Variants in ZMYM2 observed in about 807,000 individuals in gnomAD.
ZMYM2 encodes the protein zinc finger MYM-type containing 2.
A neutral mutation model predicts 162.8 loss-of-function variants in ZMYM2; 56 were observed. That is an observed-to-expected ratio of 0.34 (90% CI 0.28 to 0.43). The LOEUF (loss-of-function observed/expected upper bound fraction) is 0.43. Ranked by LOEUF, ZMYM2 falls within the 20% of genes least tolerant of loss-of-function variation. The probability of loss-of-function intolerance (pLI) is 1.00; values close to 1 mark genes in which losing one functional copy is unlikely to be tolerated. For synonymous variants in ZMYM2, 510 were observed against 541.6 expected (o/e 0.94, Z 0.81); for missense variants, 1,275 against 1,621.8 (o/e 0.79, Z 3.67).
chr13:20,027,434 A>T, intron 9 of ZMYM2, 116 bp downstream of exon 9: 1 of 773,814 alleles, frequency 1.3e-6, no homozygotes, highest in Non-Finnish European at 1.9e-6. Flanking sequence ...TTGAGGGTCA[A>T]ATTGGAAGGT....
chr13:19,871,230 A>G, the ZMYM2 span, among the ~76,000 whole-genome samples: 3 of 152,162 alleles, frequency 2.0e-5, no homozygotes, highest in Non-Finnish European at 2.9e-5. Context: ...GCAAATTATA[A>G]TAACACAGAA....
At chr13:20,051,253 G>GCATCTT (rs369364385) in intron 12 of ZMYM2, among the ~76,000 whole-genome samples, 180 bp from the exon 13 acceptor site, 582 of 73,956 alleles carry the variant, frequency 7.9e-3, no homozygotes, top group East Asian at 0.013. Context: ...CTGTGAAATT[G>GCATCTT]TATTTTTTTT....
chr13:19,999,418 A>C (rs1205276555), intron 3 of ZMYM2, among the ~76,000 whole-genome samples: 1 of 152,088 alleles, frequency 6.6e-6, no homozygotes, highest in Non-Finnish European at 1.5e-5. Context: ...GTGATCAGTG[A>C]TCTTTGATGT....
rs1543536 is a variant in ZMYM2 at position 20,034,420 on chromosome 13, A to G, written c.2119+16A>G. ...TGTAGTGAAGGCAAGTTGCATATAC[A>G]GTGTTGTTCATAACATTTATTGATA... is the stretch of plus-strand genomic sequence containing the variant. On this transcript the variant is annotated intron_variant, in intron 11 of 24. Transcript: ENST00000610343. The G allele has an allele frequency of 0.064, 98,048 of 1,521,226 alleles. 4,643 individuals carry two copies. The highest frequency in any genetic ancestry group is 0.22 in the African/African-American group (15,649 of 71,062). The allele number at this position is 1,521,226 out of a possible 1,614,324, so 94.2% of individuals were successfully genotyped here.
At chr13:20,063,065 C>A in intron 18 of ZMYM2, 94 bp downstream of exon 18, 1 of 1,327,810 alleles carries the variant, frequency 7.5e-7, no homozygotes, top group Non-Finnish European at 1.0e-6. Context: ...TGCCTTTTAG[C>A]AGTGTTCATA....
Position 20,006,229 on chromosome 13 carries a change from C to CT in ZMYM2, c.1300-142dup, listed in dbSNP as rs1349419379. 1.5e-5 allele frequency: 11 copies of CT among 730,780 alleles called. No homozygotes were observed. In the Admixed American group the frequency reaches 4.8e-4, roughly 32 times the overall value. 45.3% of individuals were successfully genotyped at this position (730,780 alleles called of 1,614,324 possible). On this transcript the variant is annotated intron_variant, in intron 5 of 24. Transcript: ENST00000610343. ...GCCTGGGTAATGAGTGAGACCCTGT[C>CT]TTTAAAAAAAAAAAAAAAATTTTTT... is the stretch of plus-strand genomic sequence containing the variant.
the ZMYM2 span, among the ~76,000 whole-genome samples, chr13:19,897,834 C>T: frequency 6.6e-6 from 1 of 152,042 alleles, no homozygotes; most frequent in Non-Finnish European, 1.5e-5. Flanking sequence ...ATGCATCGAA[C>T]ATCAGACCTT....
chr13:19,947,573 C>G, the ZMYM2 span, among the ~76,000 whole-genome samples: 1 of 151,850 alleles, frequency 6.6e-6, no homozygotes, highest in East Asian at 1.9e-4. Context: ...ATTCTCCTGC[C>G]TCAGCCTCGC....
chr13:20,023,207 A>G (rs1186145938), intron 7 of ZMYM2, among the ~76,000 whole-genome samples: 1 of 152,206 alleles, frequency 6.6e-6, no homozygotes, highest in African/African-American at 2.4e-5. Context: ...GTAAATATAA[A>G]GGTAATTTCT....
intron 3 of ZMYM2, among the ~76,000 whole-genome samples, chr13:20,002,280 T>G (rs1417063563): frequency 6.6e-6 from 1 of 152,244 alleles, no homozygotes; most frequent in African/African-American, 2.4e-5. Flanking sequence ...TATAAATACG[T>G]GAATACTTCC....
chr13:19,892,589 A>G, the ZMYM2 span, among the ~76,000 whole-genome samples: 1 of 151,318 alleles, frequency 6.6e-6, no homozygotes, highest in African/African-American at 2.4e-5. Flanking sequence ...AATGATTTAA[A>G]TAAAATTTTG....
chr13:19,879,917 A>G, the ZMYM2 span, among the ~76,000 whole-genome samples: 4 of 152,238 alleles, frequency 2.6e-5, 1 homozygote, highest in Middle Eastern at 6.3e-3. Flanking sequence ...GCATTCTGCA[A>G]TCTGTTGGAG....
At position 20,003,144 on chromosome 13, in the gene ZMYM2, T is replaced by A; in HGVS notation, c.1133+9T>A. On this transcript the variant is annotated intron_variant, in intron 4 of 24. Transcript: ENST00000610343. ...TGTGTTATGTGTAAAAAGTAAGGTT[T>A]ACCTTTCAACATAATTACATATAGT... The A allele has an allele frequency of 2.5e-6, 4 of 1,609,200 alleles. No individual in the cohort carries two copies. The highest frequency in any genetic ancestry group is 3.4e-6 in the Non-Finnish European group (4 of 1,177,366).
intron 3 of ZMYM2, among the ~76,000 whole-genome samples, chr13:19,998,170 G>T (rs541834723): frequency 3.6e-4 from 55 of 152,206 alleles, no homozygotes; most frequent in African/African-American, 1.3e-3. Flanking sequence ...TATTTATATT[G>T]GTTCTTGGAC....
intron 12 of ZMYM2, among the ~76,000 whole-genome samples, chr13:20,043,305 T>A (rs1954445302): frequency 6.6e-6 from 1 of 152,178 alleles, no homozygotes; most frequent in Admixed American, 6.5e-5. Context: ...GGTAGTGCGG[T>A]GACAGCAGGA....
chr13:19,887,974 C>T, the ZMYM2 span, among the ~76,000 whole-genome samples: 2 of 151,366 alleles, frequency 1.3e-5, no homozygotes, highest in South Asian at 2.1e-4. Context: ...CTCCGCCTTC[C>T]GGGTTCAAGC....
intron 10 of ZMYM2, among the ~76,000 whole-genome samples, chr13:20,031,707 C>T (rs1488372017): frequency 1.3e-5 from 2 of 152,044 alleles, no homozygotes; most frequent in Non-Finnish European, 2.9e-5. Context: ...TGTTTAGCTA[C>T]GTACCTAGAG....
chr13:19,905,905 C>T, the ZMYM2 span, among the ~76,000 whole-genome samples: 1 of 152,082 alleles, frequency 6.6e-6, no homozygotes, highest in Admixed American at 6.6e-5. Context: ...CTTTGGGAGG[C>T]CACAGTGGGA....
rs184415862 is a variant in ZMYM2, at chr13:19,962,886, A to T, written c.-11+2860A>T. On this transcript the variant is annotated intron_variant, in intron 2 of 24. Transcript: ENST00000610343. ...ATCCAGGCTGGAGTGCAGTGGCGTG[A>T]TGTCTGCTCACTGCAGCCTCCGCCT... Among the ~76,000 whole-genome samples, 76 of 132,844 alleles carry T rather than the reference A, an allele frequency of 5.7e-4. 1 individual carries two copies. Among genetic ancestry groups the T allele is most frequent in the East Asian group, 6.9e-4 (3 of 4,372 alleles). The allele number at this position is 132,844 out of a possible 152,430, so 87.2% of individuals were successfully genotyped here.
Sources: allele counts gnomAD v4.1 joint callset (sites outside exome capture counted in the v4.1 genomes callset), GRCh38; gene constraint gnomAD v4.1.1; transcripts MANE v1.5; gene names NCBI Gene and HGNC (gene_info 2026-07-23, HGNC 2026-07-21).